Variants in RASGEF1A observed in about 807,000 individuals in gnomAD.
RASGEF1A encodes RasGEF domain family member 1A, also known as ras-GEF domain-containing family member 1A.
A neutral mutation model predicts 56.4 loss-of-function variants in RASGEF1A; 18 were observed. The ratio of observed to expected loss-of-function variants is 0.32; its 90% CI spans 0.22 to 0.47. RASGEF1A has a LOEUF of 0.47. RASGEF1A is among the 20% of genes least tolerant of loss of function. The probability of loss-of-function intolerance (pLI) is 1.00; values close to 1 mark genes in which losing one functional copy is unlikely to be tolerated. For missense variants in RASGEF1A, 422 were observed against 627.1 expected, an observed-to-expected ratio of 0.67 and a Z score of 3.49; for synonymous variants, 245 against 242.6, an observed-to-expected ratio of 1.01 and a Z score of -0.09.
At chr10:43,218,975 T>A (rs1218131347) in intron 1 of RASGEF1A, among the ~76,000 whole-genome samples, 1 of 152,230 alleles carries the variant, frequency 6.6e-6, no homozygotes, top group Non-Finnish European at 1.5e-5. Context: ...TTTCTGCCTC[T>A]CCCTTTTCCC....
intron 1 of RASGEF1A, among the ~76,000 whole-genome samples, chr10:43,237,339 C>T (rs1276100924): frequency 6.6e-6 from 1 of 152,096 alleles, no homozygotes; most frequent in Non-Finnish European, 1.5e-5. Flanking sequence ...GTCTGTTCTC[C>T]TGCTTCACCT....
intron 1 of RASGEF1A, among the ~76,000 whole-genome samples, chr10:43,236,069 C>G (rs1022730510): frequency 6.6e-6 from 1 of 152,170 alleles, no homozygotes; most frequent in African/African-American, 2.4e-5. Context: ...GCAGACCCAG[C>G]CAGAAGCAAA....
intron 1 of RASGEF1A, among the ~76,000 whole-genome samples, chr10:43,234,093 G>T (rs954632316): frequency 6.6e-6 from 1 of 152,214 alleles, no homozygotes; most frequent in Non-Finnish European, 1.5e-5. Context: ...GCTGGAAGGG[G>T]CTGGATCTGG....
chr10:43,233,566 G>C (rs986500573), intron 1 of RASGEF1A, among the ~76,000 whole-genome samples: 1 of 152,172 alleles, frequency 6.6e-6, no homozygotes, highest in African/African-American at 2.4e-5. Context: ...ACTAAACTGC[G>C]GTGTGGCACC....
At chr10:43,245,549 G>T (rs1407995625) in intron 1 of RASGEF1A, among the ~76,000 whole-genome samples, 1 of 152,128 alleles carries the variant, frequency 6.6e-6, no homozygotes, top group Non-Finnish European at 1.5e-5. Context: ...TAGCAAATCA[G>T]ATCCAGCAGC....
chr10:43,235,179 G>A (rs1048984250), intron 1 of RASGEF1A, among the ~76,000 whole-genome samples: 2 of 152,224 alleles, frequency 1.3e-5, no homozygotes, highest in Non-Finnish European at 2.9e-5. Context: ...CGTGAAGGAG[G>A]GGGTGAATGG....
Position 43,229,491 on chromosome 10 carries a change from G to C in RASGEF1A, c.-6-23369C>G, listed in dbSNP as rs1035937637. ...CACCGGGCAGTAGGTGCTCCAGCGG[G>C]GACGCACAGAGGGCGGCGCGCGGGT... On this transcript the variant is annotated intron_variant, in intron 1 of 12. Transcript: ENST00000395810. 3.2e-4 allele frequency: 183 copies of C among 576,332 alleles called. 1 individual carries two copies. The East Asian group carries it at 6.4e-3, about 20-fold the overall frequency. The allele number at this position is 576,332 out of a possible 1,614,324, so 35.7% of individuals were successfully genotyped here.
At chr10:43,249,921 T>C (rs1301317618) in intron 1 of RASGEF1A, among the ~76,000 whole-genome samples, 1 of 152,206 alleles carries the variant, frequency 6.6e-6, no homozygotes, top group East Asian at 1.9e-4. Flanking sequence ...CACGTGTGTT[T>C]AAAAGCAAGA....
chr10:43,258,469 C>T (rs865862887), intron 1 of RASGEF1A, among the ~76,000 whole-genome samples: 65 of 152,356 alleles, frequency 4.3e-4, no homozygotes, highest in African/African-American at 1.5e-3. Flanking sequence ...GCCCCACCTA[C>T]CTCAGGGCCA....
rs147467450 is a variant in RASGEF1A, at chr10:43,257,008, GTCTGCAC to G, written c.-7+9830_-7+9836del. Among the ~76,000 whole-genome samples the G allele has an allele frequency of 9.1e-3, 1,392 of 152,248 alleles. 13 individuals carry two copies. The highest frequency in any genetic ancestry group is 0.04 in the East Asian group (207 of 5,170). On this transcript the variant is annotated intron_variant, in intron 1 of 12. Coordinates refer to ENST00000395810, the MANE Select transcript of RASGEF1A (RefSeq NM_145313.4). The stretch of plus-strand genomic sequence containing the variant: ...TCATTTCTGTCTATTTTTAGGTTGT[GTCTGCAC>G]TCCCAGAGTCTGGGCCATGCCTGGC...
At chr10:43,220,391 G>A (rs1840192202) in intron 1 of RASGEF1A, among the ~76,000 whole-genome samples, 1 of 152,082 alleles carries the variant, frequency 6.6e-6, no homozygotes, top group Non-Finnish European at 1.5e-5. Flanking sequence ...TACTCAGGAG[G>A]CTGAGGTAGG....
intron 1 of RASGEF1A, among the ~76,000 whole-genome samples, chr10:43,253,967 C>A (rs1840656745): frequency 6.6e-6 from 1 of 152,228 alleles, no homozygotes; most frequent in African/African-American, 2.4e-5. Context: ...CTCTAGGGCT[C>A]ACCCGGCAGT....
intron 1 of RASGEF1A, among the ~76,000 whole-genome samples, chr10:43,212,072 G>T (rs1840076299): frequency 6.6e-6 from 1 of 152,154 alleles, no homozygotes; most frequent in Non-Finnish European, 1.5e-5. Flanking sequence ...AGGCCCTTAG[G>T]GCCATGGGCA....
chr10:43,257,208 C>T (rs1836432435), intron 1 of RASGEF1A, among the ~76,000 whole-genome samples: 1 of 152,218 alleles, frequency 6.6e-6, no homozygotes. Flanking sequence ...AGGGAGGAGC[C>T]ATGAGGCCTG....
In RASGEF1A at chr10:43,201,850, G is replaced by A. The variant is rs765181540; in HGVS notation, c.417C>T (p.Ala139=). ...CACGGTGTGTGATGGCTTTCAGCTC[G>A]GCCATGGCCTTCTCATCCTGGAAGT... ...PYDFQDEKAM[A]ELKAITHRVT... Residue 139 remains alanine, a synonymous_variant, in exon 4 of 13, where the codon GCC becomes GCT. Transcript: ENST00000395810. 9.3e-6 allele frequency: 15 copies of A among 1,610,720 alleles called. No individual in the cohort carries two copies. Among genetic ancestry groups the A allele is most frequent in the East Asian group, 2.2e-5 (1 of 44,832 alleles).
intron 1 of RASGEF1A, among the ~76,000 whole-genome samples, chr10:43,218,132 T>C (rs1840161295): frequency 6.6e-6 from 1 of 152,218 alleles, no homozygotes; most frequent in Non-Finnish European, 1.5e-5. Context: ...CAGGACAGGC[T>C]CAATGCCTGG....
intron 1 of RASGEF1A, among the ~76,000 whole-genome samples, chr10:43,223,940 G>C (rs1184720850): frequency 6.6e-6 from 1 of 152,124 alleles, no homozygotes; most frequent in Non-Finnish European, 1.5e-5. Context: ...CAGATATGTA[G>C]AAGAAAGTTT....
intron 1 of RASGEF1A, among the ~76,000 whole-genome samples, chr10:43,257,648 C>G (rs551557559): frequency 6.6e-6 from 1 of 152,356 alleles, no homozygotes; most frequent in African/African-American, 2.4e-5. Context: ...TGGGCAACAA[C>G]AGGGTCCAGG....
At chr10:43,244,083 T>C (rs1410045840) in intron 1 of RASGEF1A, among the ~76,000 whole-genome samples, 2 of 152,206 alleles carry the variant, frequency 1.3e-5, no homozygotes, top group Non-Finnish European at 2.9e-5. Flanking sequence ...TCTATAACCT[T>C]ACCCCCAACC....
Sources: allele counts gnomAD v4.1 joint callset (sites outside exome capture counted in the v4.1 genomes callset), GRCh38; gene constraint gnomAD v4.1.1; transcripts MANE v1.5; gene names NCBI Gene and HGNC (gene_info 2026-07-23, HGNC 2026-07-21).